The following ZDHHC17 variants were observed in gnomAD, a reference collection of about 807,000 sequenced individuals.
ZDHHC17 encodes palmitoyltransferase ZDHHC17.
A neutral mutation model predicts 90.3 loss-of-function variants in ZDHHC17; 40 were observed. The observed-to-expected ratio is 0.44, with a 90% CI of 0.34 to 0.58. The LOEUF is 0.58. Among genes scored for constraint, ZDHHC17 ranks in the 20% least tolerant of loss-of-function variants. The pLI is 0.01. For missense variants in ZDHHC17, 614 were observed against 780.8 expected, an observed-to-expected ratio of 0.79 and a Z score of 2.55; for synonymous variants, 235 against 252.4, an observed-to-expected ratio of 0.93 and a Z score of 0.65.
chr12:76,833,799 A>T (rs566444524), intron 10 of ZDHHC17, among the ~76,000 whole-genome samples: 2 of 152,364 alleles, frequency 1.3e-5, no homozygotes, highest in South Asian at 2.1e-4. Context: ...TCTCAAAAAA[A>T]TAATAAATAA....
chr12:76,829,350 G>A (rs776994302), intron 10 of ZDHHC17, among the ~76,000 whole-genome samples: 1 of 150,666 alleles, frequency 6.6e-6, no homozygotes, highest in Non-Finnish European at 1.5e-5. Context: ...CCAGCTACTC[G>A]GGAGGCTGAG....
At chr12:76,831,440 T>C (rs1953299855) in intron 10 of ZDHHC17, among the ~76,000 whole-genome samples, 1 of 152,198 alleles carries the variant, frequency 6.6e-6, no homozygotes, top group African/African-American at 2.4e-5. Context: ...AACCTCTGCC[T>C]TCCAGGTTCA....
intron 15 of ZDHHC17, 148 bp downstream of exon 15, chr12:76,848,538 T>G: frequency 1.1e-6 from 1 of 930,532 alleles, no homozygotes; most frequent in Non-Finnish European, 1.5e-6. Flanking sequence ...TACCTCACTC[T>G]TTTGCCCCTT....
At position 76,826,960 on chromosome 12, in the gene ZDHHC17, T is replaced by C. The variant is rs771193761; in HGVS notation, c.950T>C (p.Val317Ala). 1 of 1,541,104 alleles carries C rather than the reference T, an allele frequency of 6.5e-7. No individual in the cohort carries two copies. Among genetic ancestry groups the C allele is most frequent in the South Asian group, 1.3e-5 (1 of 77,100 alleles). The part of the protein sequence containing the change: ...LGTPFLVIWL[V>A]GFIADLNIDS... ...ACTCCTTTCCTAGTTATTTGGCTGG[T>C]TGGGTTTATAGCAGACCTAAATATT... Residue 317 changes from valine to alanine, a missense_variant, in exon 9 of 17, where the codon GTT (valine) becomes GCT (alanine). By Grantham distance (64) the Val-to-Ala change is moderately conservative (BLOSUM62 0). Coordinates refer to ENST00000426126, the MANE Select transcript of ZDHHC17 (RefSeq NM_015336.4).
At chr12:76,819,110 C>G (rs553178394) in intron 7 of ZDHHC17, among the ~76,000 whole-genome samples, 8 of 152,156 alleles carry the variant, frequency 5.3e-5, no homozygotes, top group Non-Finnish European at 1.2e-4. Flanking sequence ...TCGTTGATGA[C>G]TTAGGTTTTG....
chr12:76,830,557 A>ATTTATC (rs1953287747), intron 10 of ZDHHC17, among the ~76,000 whole-genome samples: 1 of 152,214 alleles, frequency 6.6e-6, no homozygotes, highest in Admixed American at 6.5e-5. Context: ...TTTATTAAGC[A>ATTTATC]TTAGAATTGC....
At chr12:76,769,823 C>G (rs1043814370) in intron 1 of ZDHHC17, among the ~76,000 whole-genome samples, 3 of 152,118 alleles carry the variant, frequency 2.0e-5, no homozygotes, top group African/African-American at 7.2e-5. Flanking sequence ...GGATTGTGCT[C>G]AAAGCCAGAG....
At chr12:76,805,237 T>G (rs1024609672) in intron 2 of ZDHHC17, 80 bp from the exon 3 acceptor site, 274 of 1,277,440 alleles carry the variant, frequency 2.1e-4, no homozygotes, top group Non-Finnish European at 3.0e-4. Flanking sequence ...AATGAGGAAT[T>G]ATTTTCATCT....
In ZDHHC17 at chr12:76,852,393, TTTTCTC is replaced by T. The variant is rs1380316294; in HGVS notation, c.*1412_*1417del. ...TGTATATAAATAATTTATCAAATAG[TTTTCTC>T]TTTGTGTCTGTGTTAGTGTTTTTAA... On this transcript the variant is annotated 3_prime_UTR_variant, in exon 17 of 17. Transcript: ENST00000426126. The T allele has an allele frequency of 4.6e-5, 7 of 152,686 alleles. No homozygotes were observed. The East Asian group carries it at 1.4e-3, about 30-fold the overall frequency. The allele number at this position is 152,686 out of a possible 1,614,324, so 9.5% of individuals were successfully genotyped here.
chr12:76,798,682 G>A (rs1198607738), intron 2 of ZDHHC17, among the ~76,000 whole-genome samples: 1 of 152,190 alleles, frequency 6.6e-6, no homozygotes, highest in Admixed American at 6.5e-5. Flanking sequence ...TGTACAGGAA[G>A]CATAGCGGCT....
chr12:76,848,133 A>G, intron 14 of ZDHHC17, 100 bp from the exon 15 acceptor site: 1 of 1,233,296 alleles, frequency 8.1e-7, no homozygotes, highest in Non-Finnish European at 1.1e-6. Flanking sequence ...TTAAATCTAG[A>G]CTGTTTGACT....
At chr12:76,774,434 G>C (rs1317398538) in intron 1 of ZDHHC17, among the ~76,000 whole-genome samples, 1 of 151,380 alleles carries the variant, frequency 6.6e-6, no homozygotes, top group Non-Finnish European at 1.5e-5. Flanking sequence ...GAGATGAGTA[G>C]TCTCAGTATT....
intron 2 of ZDHHC17, among the ~76,000 whole-genome samples, chr12:76,798,148 C>T (rs1367645451): frequency 6.6e-6 from 1 of 152,106 alleles, no homozygotes; most frequent in Non-Finnish European, 1.5e-5. Context: ...CATCAGTGTG[C>T]ATCCAATATT....
chr12:76,764,534 C>A (rs1387735542), intron 1 of ZDHHC17: 1 of 587,862 alleles, frequency 1.7e-6, no homozygotes, highest in Non-Finnish European at 3.0e-6. Flanking sequence ...GGGGCGGGCT[C>A]TGGGACGCAG....
chr12:76,788,688 A>ATTTTTTTTTTTTTTT lies in ZDHHC17; in HGVS notation c.94-8734_94-8720dup, dbSNP rs763269507. 2.5e-3 allele frequency among the ~76,000 whole-genome samples: 251 copies of ATTTTTTTTTTTTTTT among 98,660 alleles called. 5 individuals are homozygous for ATTTTTTTTTTTTTTT. Among genetic ancestry groups the ATTTTTTTTTTTTTTT allele is most frequent in the Middle Eastern group, 0.017 (2 of 116 alleles). The allele number at this position is 98,660 out of a possible 152,430, so 64.7% of individuals were successfully genotyped here. ...AAAATATATTTAAGTTGGAATCGCAATTTTTTTTTTTTTTTTTTTTTTTTT... is the reference window on the plus strand; with the variant it reads ...AAAATATATTTAAGTTGGAATCGCAATTTTTTTTTTTTTTTTTTTTTTTTTTTTTTTTTTTTTTTT... On this transcript the variant is annotated intron_variant, in intron 1 of 16. Transcript: ENST00000426126.
rs1468290602 is a variant in ZDHHC17, at chr12:76,809,876, G to T, written c.543+19G>T. On this transcript the variant is annotated intron_variant, in intron 5 of 16. Coordinates refer to ENST00000426126, the MANE Select transcript of ZDHHC17 (RefSeq NM_015336.4). The stretch of plus-strand genomic sequence containing the variant: ...AGGACAGGTAAAAAAAATCTCAGTG[G>T]TATGGATTTTAATCAGATGTTCTTC... The T allele has an allele frequency of 6.2e-7, 1 of 1,603,118 alleles. No homozygotes were observed. The highest frequency in any genetic ancestry group is 8.5e-7 in the Non-Finnish European group (1 of 1,174,070).
chr12:76,764,416 G>A (rs1952404936), intron 1 of ZDHHC17, 87 bp downstream of exon 1: 2 of 1,276,944 alleles, frequency 1.6e-6, no homozygotes, highest in Non-Finnish European at 2.2e-6. Flanking sequence ...GCCGACGTGT[G>A]TGGGGTAGTG....
intron 1 of ZDHHC17, among the ~76,000 whole-genome samples, chr12:76,795,626 C>T (rs969919788): frequency 1.3e-5 from 2 of 151,976 alleles, no homozygotes; most frequent in East Asian, 3.8e-4. Flanking sequence ...TTACCTTAAC[C>T]CCACTGAATA....
chr12:76,837,030 A>G (rs1477621820), intron 10 of ZDHHC17, among the ~76,000 whole-genome samples: 2 of 152,182 alleles, frequency 1.3e-5, no homozygotes, highest in African/African-American at 4.8e-5. Context: ...TGAAGAGTGG[A>G]CACTACATTT....
Sources: allele counts gnomAD v4.1 joint callset (sites outside exome capture counted in the v4.1 genomes callset), GRCh38; gene constraint gnomAD v4.1.1; transcripts MANE v1.5; gene names NCBI Gene and HGNC (gene_info 2026-07-23, HGNC 2026-07-21).